The following REV3L variants were observed in gnomAD, a reference collection of about 807,000 sequenced individuals.
REV3L encodes the protein REV3 like, DNA directed polymerase zeta catalytic subunit.
In REV3L, 69 loss-of-function variants were observed where a neutral mutation model predicts 299.4. The observed-to-expected ratio is 0.23, with a 90% CI of 0.19 to 0.28. REV3L has a LOEUF of 0.28. Ranked by LOEUF, REV3L falls within the 10% of genes least tolerant of loss-of-function variation. The probability of loss-of-function intolerance (pLI) is 1.00; values close to 1 mark genes in which losing one functional copy is unlikely to be tolerated. For synonymous variants in REV3L, 1,238 were observed against 1,271.4 expected (o/e 0.97, Z 0.56); for missense variants, 3,128 against 3,693.8 (o/e 0.85, Z 3.97).
chr6:111,375,884 C>A lies in REV3L; in HGVS notation c.2471G>T (p.Gly824Val), dbSNP rs781058399. 82 of 1,613,774 alleles carry A rather than the reference C, an allele frequency of 5.1e-5. No homozygotes were observed. The highest frequency in any genetic ancestry group is 6.8e-5 in the Non-Finnish European group (80 of 1,179,890). Reference protein sequence around the residue: ...LSPVTYKLQPGNKPSRLKLNK... With the variant: ...LSPVTYKLQPVNKPSRLKLNK... ...CAATTTTAACCGGGATGGTTTATTG[C>A]CAGGTTGTAATTTATATGTGACAGG... The change falls in exon 13 of 32, where the codon GGC becomes GTC. Residue 824 changes from glycine to valine, a missense_variant. Around this residue, in one of 9 missense-constraint regions of REV3L, gnomAD observed 2,409 missense variants for 2,611.8 expected, o/e 0.92. Coordinates refer to ENST00000368802, the MANE Select transcript of REV3L (RefSeq NM_001372078.1).
intron 31 of REV3L, among the ~76,000 whole-genome samples, chr6:111,303,337 A>G (rs1415190664): frequency 1.3e-5 from 2 of 149,478 alleles, no homozygotes; most frequent in Non-Finnish European, 3.0e-5. Flanking sequence ...ATGCCTGGCT[A>G]ATTTTAAATT....
rs533199047 is a variant in REV3L, at chr6:111,407,858, C to T, written c.405-2228G>A. ...GGCTGAGGCAGGAGAATTGCATGAA[C>T]CCCGGAGGATGAGGTTACAGTGAGC... is the stretch of plus-strand genomic sequence containing the variant. On this transcript the variant is annotated intron_variant, in intron 3 of 31. Transcript: ENST00000368802. Among the ~76,000 whole-genome samples the T allele has an allele frequency of 2.0e-5, 3 of 152,200 alleles. No individual in the cohort carries two copies. In the East Asian group the frequency reaches 5.8e-4, roughly 29 times the overall value.
At chr6:111,345,719 G>A (rs1351200091) in intron 20 of REV3L, among the ~76,000 whole-genome samples, 2 of 151,378 alleles carry the variant, frequency 1.3e-5, no homozygotes, top group African/African-American at 4.9e-5. Flanking sequence ...GTCAATCATG[G>A]TAATCATTCC....
chr6:111,380,970 C>T lies in REV3L; in HGVS notation c.1216+355G>A, dbSNP rs17510810. ...TGGCCCTAGCCACCCGTGTTTCCTC[C>T]GGTGAAATTTGTGATACTCACCAAG... On this transcript the variant is annotated intron_variant, in intron 10 of 31. Coordinates refer to ENST00000368802, the MANE Select transcript of REV3L (RefSeq NM_001372078.1). Among the ~76,000 whole-genome samples the T allele has an allele frequency of 6.0e-3, 908 of 152,306 alleles. 9 individuals are homozygous for T. The highest frequency in any genetic ancestry group is 0.021 in the African/African-American group (860 of 41,562).
rs545286892 is a variant in REV3L, at chr6:111,307,669, G to A, written c.9043-99C>T. On this transcript the variant is annotated intron_variant, in intron 30 of 31. Coordinates refer to ENST00000368802, the MANE Select transcript of REV3L (RefSeq NM_001372078.1). ...GGTTTACTCAGGCATTCATTCATTC[G>A]TTCATTCACTCATTCAACAAATGTT... is the stretch of plus-strand genomic sequence containing the variant. 4.9e-5 allele frequency: 54 copies of A among 1,098,608 alleles called. 2 individuals are homozygous for A. The South Asian group carries it at 6.6e-4, about 13-fold the overall frequency. The allele number at this position is 1,098,608 out of a possible 1,614,324, so 68.1% of individuals were successfully genotyped here.
intron 30 of REV3L, 137 bp from the exon 31 acceptor site, chr6:111,307,707 T>C (rs1207374586): frequency 2.7e-6 from 2 of 751,456 alleles, no homozygotes; most frequent in Non-Finnish European, 4.4e-6. Flanking sequence ...GTAGCTACTA[T>C]GTGCCAGGCA....
At chr6:111,311,546 G>GTTT in intron 28 of REV3L, 7 of 176,528 alleles carry the variant, frequency 4.0e-5, no homozygotes, top group East Asian at 2.8e-4. Context: ...AACACGTTAA[G>GTTT]TTTTTTTTTT....
At chr6:111,302,616 T>C (rs779058843) in intron 31 of REV3L, among the ~76,000 whole-genome samples, 3 of 152,282 alleles carry the variant, frequency 2.0e-5, no homozygotes, top group Non-Finnish European at 4.4e-5. Context: ...AAAAAAAATT[T>C]AGTCAAGGCT....
At chr6:111,474,408 G>A (rs945870619) in intron 1 of REV3L, among the ~76,000 whole-genome samples, 3 of 152,194 alleles carry the variant, frequency 2.0e-5, no homozygotes, top group African/African-American at 7.2e-5. Context: ...CTTCGGCACC[G>A]TGAATACAAA....
chr6:111,398,758 A>T (rs558349507), intron 4 of REV3L, among the ~76,000 whole-genome samples: 3 of 152,308 alleles, frequency 2.0e-5, no homozygotes, highest in Middle Eastern at 3.4e-3. Context: ...TAAAATAAAA[A>T]AAATTATTCA....
intron 1 of REV3L, among the ~76,000 whole-genome samples, chr6:111,445,843 C>G (rs1370464251): frequency 6.6e-6 from 1 of 151,552 alleles, no homozygotes; most frequent in Non-Finnish European, 1.5e-5. Flanking sequence ...GTAAAGCAGA[C>G]AAAAAAACAG....
Position 111,388,103 on chromosome 6 carries a change from G to C in REV3L, c.863-18C>G. On this transcript the variant is annotated intron_variant, in intron 7 of 31. Transcript: ENST00000368802. Reference sequence around the variant, plus strand: ...CCTGTGATCTTTGAATTTTAAAAGTGCATTAAAAAATGTAAATAGCAAATG... The same window carrying C: ...CCTGTGATCTTTGAATTTTAAAAGTCCATTAAAAAATGTAAATAGCAAATG... The C allele has an allele frequency of 3.2e-6, 5 of 1,543,420 alleles. No individual in the cohort carries two copies. The highest frequency in any genetic ancestry group is 4.4e-6 in the Non-Finnish European group (5 of 1,129,050).
At chr6:111,429,791 G>C (rs1010056952) in intron 1 of REV3L, among the ~76,000 whole-genome samples, 1 of 152,124 alleles carries the variant, frequency 6.6e-6, no homozygotes, top group East Asian at 1.9e-4. Flanking sequence ...CCTGGCGCGG[G>C]GGGTGAGCAC....
intron 9 of REV3L, among the ~76,000 whole-genome samples, chr6:111,384,896 C>G (rs551580690): frequency 6.6e-6 from 1 of 152,258 alleles, no homozygotes; most frequent in East Asian, 1.9e-4. Flanking sequence ...GGTACATTTA[C>G]ATAATGGAGT....
At chr6:111,333,092 A>G (rs2114839833) in intron 23 of REV3L, 31 bp downstream of exon 23, 1 of 1,608,604 alleles carries the variant, frequency 6.2e-7, no homozygotes, top group East Asian at 2.2e-5. Context: ...AAAGCACAAC[A>G]ATATTATTGT....
At chr6:111,370,045 A>T (rs372127318) in intron 13 of REV3L, among the ~76,000 whole-genome samples, 1 of 151,988 alleles carries the variant, frequency 6.6e-6, no homozygotes, top group Non-Finnish European at 1.5e-5. Flanking sequence ...GTTGGCCAGG[A>T]TGGTCTCGAT....
chr6:111,309,916 G>A lies in REV3L; in HGVS notation c.8979C>T (p.Pro2993=). The change falls in exon 30 of 32, where the codon CCC becomes CCT. Residue 2993 remains proline (P), a synonymous_variant. Transcript: ENST00000368802. ...CAATAAGTGAGAAGATTCTTGCCAA[G>A]GGTGGAAGGATTTGCTTGGTAATAT... The part of the protein sequence containing the change: ...TYYITKQILP[P]LARIFSLIGI... 1 of 1,614,086 alleles carries A rather than the reference G, an allele frequency of 6.2e-7. No individual in the cohort carries two copies.
chr6:111,356,637 T>C (rs1404721300), intron 18 of REV3L: 1 of 153,086 alleles, frequency 6.5e-6, no homozygotes, highest in East Asian at 1.9e-4. Flanking sequence ...ACTGAAATGG[T>C]GGCTGGCTCC....
chr6:111,343,556 G>A (rs1434326587), intron 21 of REV3L, among the ~76,000 whole-genome samples: 1 of 152,164 alleles, frequency 6.6e-6, no homozygotes, highest in Non-Finnish European at 1.5e-5. Flanking sequence ...TTGAGATAGA[G>A]TCTCACTCTG....
Sources: gnomAD v4.1 joint callset for allele counts (sites outside exome capture counted in the v4.1 genomes callset) on GRCh38, gnomAD v4.1.1 for gene constraint, gnomAD v4.1.1 regional missense constraint, MANE v1.5 for transcripts, NCBI Gene and HGNC (gene_info 2026-07-23, HGNC 2026-07-21) for gene names.